GSAP: variants seen among roughly 807,000 people sequenced by gnomAD.
The protein encoded by GSAP is gamma-secretase-activating protein.
In GSAP, 118 loss-of-function variants were observed where a neutral mutation model predicts 131.7. That is an observed-to-expected ratio of 0.90 (90% CI 0.77 to 1.04). GSAP has a LOEUF of 1.04. GSAP is among the 50% of genes least tolerant of loss of function. The pLI is 0.00. For synonymous variants in GSAP, 381 were observed against 363.4 expected, an observed-to-expected ratio of 1.05 and a Z score of -0.55; for missense variants, 1,019 against 1,013.2, an observed-to-expected ratio of 1.01 and a Z score of -0.08.
At chr7:77,416,115 G>A in intron 1 of GSAP, 98 bp downstream of exon 1, 1 of 649,240 alleles carries the variant, frequency 1.5e-6, no homozygotes, top group Non-Finnish European at 2.4e-6. Context: ...TCTCAGGGCG[G>A]CGACGCCCCG....
chr7:77,329,030 A>C (rs1211298260), intron 21 of GSAP, among the ~76,000 whole-genome samples: 1 of 152,222 alleles, frequency 6.6e-6, no homozygotes, highest in Admixed American at 6.5e-5. Context: ...AAAAAAAATC[A>C]ACCTACTATT....
At chr7:77,407,282 A>G (rs983209167) in intron 1 of GSAP, among the ~76,000 whole-genome samples, 2 of 152,210 alleles carry the variant, frequency 1.3e-5, no homozygotes, top group South Asian at 4.1e-4. Context: ...TGATATTAGT[A>G]TAACTACATC....
chr7:77,378,525 A>G (rs1463000263), intron 8 of GSAP, among the ~76,000 whole-genome samples: 1 of 150,902 alleles, frequency 6.6e-6, no homozygotes, highest in East Asian at 1.9e-4. Flanking sequence ...AACAACAAAA[A>G]AAAACAAAGG....
At chr7:77,315,902 C>A (rs1246976441) in intron 26 of GSAP, 1 of 152,164 alleles carries the variant, frequency 6.6e-6, no homozygotes, top group Non-Finnish European at 1.5e-5. Context: ...AACTGCTGCT[C>A]CCATACACCT....
intron 26 of GSAP, among the ~76,000 whole-genome samples, chr7:77,318,527 C>T (rs988665530): frequency 1.3e-5 from 2 of 152,080 alleles, no homozygotes; most frequent in Non-Finnish European, 1.5e-5. Context: ...AAGTTTAACA[C>T]TCATTAGAAC....
At chr7:77,343,862 G>A (rs529876977) in intron 19 of GSAP, among the ~76,000 whole-genome samples, 10 of 152,208 alleles carry the variant, frequency 6.6e-5, no homozygotes, top group African/African-American at 1.9e-4. Flanking sequence ...AGAACCTCTC[G>A]TTTCCTTTCC....
At chr7:77,343,737 C>A (rs1042366177) in intron 19 of GSAP, among the ~76,000 whole-genome samples, 1 of 152,214 alleles carries the variant, frequency 6.6e-6, no homozygotes. Flanking sequence ...CCACACAAGA[C>A]AAATGGTTCT....
At chr7:77,369,392 C>T (rs987042778) in intron 12 of GSAP, among the ~76,000 whole-genome samples, 2 of 152,194 alleles carry the variant, frequency 1.3e-5, no homozygotes, top group African/African-American at 4.8e-5. Flanking sequence ...TTTTGCCCAC[C>T]ACCAATCTCA....
At chr7:77,389,103 C>T (rs534850441) in intron 5 of GSAP, among the ~76,000 whole-genome samples, 2 of 152,116 alleles carry the variant, frequency 1.3e-5, no homozygotes, top group African/African-American at 4.8e-5. Context: ...AATAGAAATG[C>T]TCTGTTGAGA....
intron 19 of GSAP, among the ~76,000 whole-genome samples, chr7:77,337,985 T>C (rs1338129431): frequency 6.6e-6 from 1 of 151,992 alleles, no homozygotes; most frequent in Non-Finnish European, 1.5e-5. Context: ...ACCCTGTCTC[T>C]ACAGGAAACA....
At chr7:77,416,577 A>G (rs1459973586), upstream of GSAP, 1 of 344,296 alleles carries the variant, frequency 2.9e-6, no homozygotes, top group East Asian at 4.6e-5. Flanking sequence ...AGGCGCCAGG[A>G]CCAGGCCCGC....
rs1200040086 is a variant in GSAP at position 77,334,579 on chromosome 7, T to TAAAAAAAAAAAAAAAAAAAAAAAAAAA, written c.1546-4213_1546-4212insTTTTTTTTTTTTTTTTTTTTTTTTTTT. 2.1e-4 allele frequency among the ~76,000 whole-genome samples: 17 copies of TAAAAAAAAAAAAAAAAAAAAAAAAAAA among 82,396 alleles called. 4 individuals are homozygous for TAAAAAAAAAAAAAAAAAAAAAAAAAAA. The highest frequency in any genetic ancestry group is 3.0e-4 in the Admixed American group (2 of 6,682). The allele number at this position is 82,396 out of a possible 152,430, so 54.1% of individuals were successfully genotyped here. A position where few individuals can be genotyped will look rare whatever the true frequency, so the allele number is the denominator to read the frequency against. ...GCCCATGTATCCTGGAACTTAAAAT[T>TAAAAAAAAAAAAAAAAAAAAAAAAAAA]TAAAAAAAAAAAAAAAAAAAAAAAA... is the stretch of plus-strand genomic sequence containing the variant. On this transcript the variant is annotated intron_variant, in intron 19 of 30. Transcript: ENST00000257626.
At chr7:77,375,314 ATGTT>A (rs754905359) in intron 10 of GSAP, among the ~76,000 whole-genome samples, 1 of 152,214 alleles carries the variant, frequency 6.6e-6, no homozygotes, top group Non-Finnish European at 1.5e-5. Context: ...CATGAGCTTG[ATGTT>A]TGTTTATTTC....
intron 23 of GSAP, among the ~76,000 whole-genome samples, chr7:77,324,344 C>T (rs984447437): frequency 6.6e-6 from 1 of 152,178 alleles, no homozygotes; most frequent in South Asian, 2.1e-4. Context: ...CTCCCCACTT[C>T]CCCAACCATT....
rs765782475 is a variant in GSAP, at chr7:77,362,541, A to G, written c.949+42T>C. 7.4e-6 allele frequency: 8 copies of G among 1,078,448 alleles called. No homozygotes were observed. The East Asian group carries it at 1.9e-4, about 26-fold the overall frequency. The allele number at this position is 1,078,448 out of a possible 1,614,324, so 66.8% of individuals were successfully genotyped here. ...CTATCTAATTTGCTACTATTTGGAA[A>G]AAGTTATTATGTAAAAGTAACAAAG... On this transcript the variant is annotated intron_variant, in intron 13 of 30. Coordinates refer to ENST00000257626, the MANE Select transcript of GSAP (RefSeq NM_017439.4).
At chr7:77,356,037 C>A (rs952598874) in intron 14 of GSAP, among the ~76,000 whole-genome samples, 5 of 151,866 alleles carry the variant, frequency 3.3e-5, no homozygotes, top group African/African-American at 1.2e-4. Flanking sequence ...AGCAATCCTC[C>A]TGCCTCGGCC....
chr7:77,312,136 G>A lies in GSAP; in HGVS notation c.2338C>T (p.His780Tyr). 1 of 1,603,168 alleles carries A rather than the reference G, an allele frequency of 6.2e-7. No individual in the cohort carries two copies. Among genetic ancestry groups the A allele is most frequent in the Non-Finnish European group, 8.5e-7 (1 of 1,175,142 alleles). ...PMSSNIISRNHVTRLLQNYKK... is the reference protein window; with the variant it reads ...PMSSNIISRNYVTRLLQNYKK... ...TAGTTCTGAAGCAGTCGCGTCACGTGGTTCCGCGAAATGATGTTAGAACTC... is the reference window on the plus strand; with the variant it reads ...TAGTTCTGAAGCAGTCGCGTCACGTAGTTCCGCGAAATGATGTTAGAACTC... The change falls in exon 29 of 31, where the codon CAC becomes TAC. Residue 780 changes from histidine to tyrosine, a missense_variant. His to Tyr is a moderately conservative substitution (Grantham distance 83). Transcript: ENST00000257626.
At chr7:77,343,162 A>G (rs1248528334) in intron 19 of GSAP, among the ~76,000 whole-genome samples, 1 of 151,466 alleles carries the variant, frequency 6.6e-6, no homozygotes, top group Non-Finnish European at 1.5e-5. Context: ...CCTAGCCTTC[A>G]TGTCTGTGTG....
intron 16 of GSAP, among the ~76,000 whole-genome samples, chr7:77,354,208 T>C (rs1308641725): frequency 6.6e-6 from 1 of 152,228 alleles, no homozygotes; most frequent in Non-Finnish European, 1.5e-5. Flanking sequence ...CGCCTAACCA[T>C]GGTGCACACT....
Sources: gnomAD v4.1 joint callset for allele counts (sites outside exome capture counted in the v4.1 genomes callset) on GRCh38, gnomAD v4.1.1 for gene constraint, MANE v1.5 for transcripts, NCBI Gene and HGNC (gene_info 2026-07-23, HGNC 2026-07-21) for gene names.